MUCL3: variants seen among roughly 807,000 people sequenced by gnomAD.
The protein encoded by MUCL3 is mucin like 3, also known as mucin-like protein 3.
A neutral mutation model predicts 70.2 loss-of-function variants in MUCL3; 42 were observed. The observed-to-expected ratio is 0.60, with a 90% CI of 0.47 to 0.77. MUCL3 has a LOEUF of 0.77. Among genes scored for constraint, MUCL3 ranks in the 30% least tolerant of loss-of-function variants. The probability of loss-of-function intolerance (pLI) is 0.00; values close to 1 mark genes in which losing one functional copy is unlikely to be tolerated. For missense variants in MUCL3, 1,429 were observed against 1,670.0 expected (o/e 0.86, Z 2.52); for synonymous variants, 522 against 647.0 (o/e 0.81, Z 2.93).
At chr6:30,942,406 C>T (rs1008748773) in intron 1 of MUCL3, among the ~76,000 whole-genome samples, 1 of 152,158 alleles carries the variant, frequency 6.6e-6, no homozygotes, top group Non-Finnish European at 1.5e-5. Flanking sequence ...GATTCAGAGA[C>T]ACTATCTACC....
chr6:30,951,428 A>T lies in MUCL3; in HGVS notation c.2964A>T (p.Pro988=). ...CTACAGAAAATGGAGAAAGGACCCCACTGGCCAATGAGAACACCACAACAT... is the reference window on the plus strand; with the variant it reads ...CTACAGAAAATGGAGAAAGGACCCCTCTGGCCAATGAGAACACCACAACAT... ...AEPTENGERT[P]LANENTTTSP... The change falls in exon 2 of 3, where the codon CCA becomes CCT. Residue 988 remains proline, a synonymous_variant. Coordinates refer to ENST00000462446, the MANE Select transcript of MUCL3 (RefSeq NM_080870.4). 6.4e-7 allele frequency: 1 copy of T among 1,550,554 alleles called. No individual in the cohort carries two copies. Among genetic ancestry groups the T allele is most frequent in the Non-Finnish European group, 8.7e-7 (1 of 1,146,748 alleles).
Position 30,950,199 on chromosome 6 carries a change from G to A in MUCL3, c.1735G>A (p.Glu579Lys). 33 of 1,547,394 alleles carry A rather than the reference G, an allele frequency of 2.1e-5. No individual in the cohort carries two copies. The highest frequency in any genetic ancestry group is 2.8e-5 in the Non-Finnish European group (32 of 1,146,642). The change falls in exon 2 of 3, where the codon GAG becomes AAG. Residue 579 changes from glutamate to lysine, a missense_variant. Coordinates refer to ENST00000462446, the MANE Select transcript of MUCL3 (RefSeq NM_080870.4). ...ANEKTTPSLA[E>K]PTENGQRTPF... ...TGAGAAGACCACGCCATCTCTAGCA[G>A]AGCCTACAGAAAATGGACAAAGGAC...
In MUCL3 at chr6:30,949,360, C is replaced by G. The variant is rs867112217; in HGVS notation, c.896C>G (p.Pro299Arg). 6.5e-7 allele frequency: 1 copy of G among 1,529,950 alleles called. No individual in the cohort carries two copies. Among genetic ancestry groups the G allele is most frequent in the African/African-American group, 1.4e-5 (1 of 72,286 alleles). The allele number at this position is 1,529,950 out of a possible 1,614,324, so 94.8% of individuals were successfully genotyped here. A position where few individuals can be genotyped will look rare whatever the true frequency, so the allele number is the denominator to read the frequency against. Residue 299 changes from proline (P) to arginine (R), a missense_variant, in exon 2 of 3, where the codon CCA becomes CGA. Coordinates refer to ENST00000462446, the MANE Select transcript of MUCL3 (RefSeq NM_080870.4). ...AGGACAGCCAATGAGAACAACACAC[C>G]ATCCCCAGCAGAGCCTACAGAAAAT... The part of the protein sequence containing the change: ...GGRTANENNT[P>R]SPAEPTENRE...
Position 30,949,155 on chromosome 6 carries a change from G to T in MUCL3, c.691G>T (p.Ala231Ser), listed in dbSNP as rs1314774475. ...CACATCTTTTCCAGAAAAAATCACA[G>T]CAGCCTCAAAAACAACATACAAGAC... ...KSTSFPEKIT[A>S]ASKTTYKTTG... Residue 231 changes from alanine (A) to serine (S), a missense_variant, in exon 2 of 3, where the codon GCA becomes TCA. Physicochemically the swap from Ala to Ser is moderately conservative, Grantham distance 99. Coordinates refer to ENST00000462446, the MANE Select transcript of MUCL3 (RefSeq NM_080870.4). 3 of 1,551,248 alleles carry T rather than the reference G, an allele frequency of 1.9e-6. No homozygotes were observed. The Admixed American group carries it at 5.9e-5, about 30-fold the overall frequency.
rs1433465867 is a variant in MUCL3, at chr6:30,952,389, A to G, written c.3925A>G (p.Ile1309Val). Residue 1309 changes from isoleucine to valine, a missense_variant, in exon 2 of 3, where the codon ATC (isoleucine) becomes GTC (valine). By Grantham distance (29) the Ile-to-Val change is conservative. Transcript: ENST00000462446. The part of the protein sequence containing the change: ...YLNKDGSQKG[I>V]HAGQMGENDS... ...CAATAAAGATGGCTCACAGAAAGGT[A>G]TCCACGCTGGACAGATGGGAGAGAA... 1 of 1,614,232 alleles carries G rather than the reference A, an allele frequency of 6.2e-7. No individual in the cohort carries two copies. Among genetic ancestry groups the G allele is most frequent in the Non-Finnish European group, 8.5e-7 (1 of 1,180,042 alleles).
rs1344507251 is a variant in MUCL3 at position 30,951,014 on chromosome 6, T to A, written c.2550T>A (p.Asn850Lys). The change falls in exon 2 of 3, where the codon AAT becomes AAA. Residue 850 changes from asparagine (N) to lysine (K), a missense_variant. Transcript: ENST00000462446. ...EPTENRESTA[N>K]EKTTPFPAEP... ...CAGAAAATAGAGAAAGCACAGCCAA[T>A]GAGAAGACCACACCATTCCCAGCAG... 5 of 1,548,580 alleles carry A rather than the reference T, an allele frequency of 3.2e-6. No individual in the cohort carries two copies. In the East Asian group the frequency reaches 1.2e-4, roughly 38 times the overall value.
At chr6:30,945,178 C>T (rs1795732065) in intron 1 of MUCL3, among the ~76,000 whole-genome samples, 1 of 152,198 alleles carries the variant, frequency 6.6e-6, no homozygotes, top group Non-Finnish European at 1.5e-5. Flanking sequence ...TTGGTTTTTA[C>T]TTAACGTGCA....
At chr6:30,942,041 G>A (rs1795600839) in intron 1 of MUCL3, among the ~76,000 whole-genome samples, 2 of 152,124 alleles carry the variant, frequency 1.3e-5, no homozygotes, top group Non-Finnish European at 2.9e-5. Flanking sequence ...CTGCTGCCCA[G>A]CCGTACCAGT....
intron 1 of MUCL3, among the ~76,000 whole-genome samples, chr6:30,947,930 T>G (rs1410517331): frequency 6.6e-6 from 1 of 152,166 alleles, no homozygotes; most frequent in Non-Finnish European, 1.5e-5. Flanking sequence ...CTAATCCCTA[T>G]GGGAAGTTCT....
In MUCL3 at chr6:30,950,077, C is replaced by A; in HGVS notation, c.1613C>A (p.Ala538Glu). 2 of 1,549,974 alleles carry A rather than the reference C, an allele frequency of 1.3e-6. No individual in the cohort carries two copies. The highest frequency in any genetic ancestry group is 1.7e-6 in the Non-Finnish European group (2 of 1,146,528). The change falls in exon 2 of 3, where the codon GCA becomes GAA. Residue 538 changes from alanine to glutamate, a missense_variant. By Grantham distance (107) the Ala-to-Glu change is moderately radical (BLOSUM62 -1). Coordinates refer to ENST00000462446, the MANE Select transcript of MUCL3 (RefSeq NM_080870.4). ...AATGAGAACACCACACCATCCCCAG[C>A]AGAGCCTACAGAAAATAGAGAAAGG... Reference protein sequence around the residue: ...LANENTTPSPAEPTENRERTA... With the variant: ...LANENTTPSPEEPTENRERTA...
rs1760813864 is a variant in MUCL3, at chr6:30,953,401, T to C, written c.*284T>C. ...GAAAAGGTGTTTGATGGACATGTTG[T>C]GGGGGCACCAATGCAGAACACTGCA... is the stretch of plus-strand genomic sequence containing the variant. On this transcript the variant is annotated 3_prime_UTR_variant, in exon 3 of 3. Coordinates refer to ENST00000462446, the MANE Select transcript of MUCL3 (RefSeq NM_080870.4). 1 of 518,778 alleles carries C rather than the reference T, an allele frequency of 1.9e-6. No individual in the cohort carries two copies. The highest frequency in any genetic ancestry group is 2.4e-5 in the South Asian group (1 of 41,228). 32.1% of individuals were successfully genotyped at this position (518,778 alleles called of 1,614,324 possible).
chr6:30,946,602 C>T (rs1271324038), intron 1 of MUCL3, among the ~76,000 whole-genome samples: 1 of 152,210 alleles, frequency 6.6e-6, no homozygotes, highest in East Asian at 1.9e-4. Flanking sequence ...AGATCACACT[C>T]CTCACTTCAC....
chr6:30,952,823 G>A, intron 2 of MUCL3, 148 bp from the exon 3 acceptor site: 1 of 1,112,096 alleles, frequency 9.0e-7, no homozygotes. Flanking sequence ...ACTGGAGATG[G>A]AGCTGGGACT....
Position 30,951,275 on chromosome 6 carries a change from A to C in MUCL3, c.2811A>C (p.Pro937=), listed in dbSNP as rs1760669380. ...CACTGGCCAATGAGATCACCACACCATCCCGAGCAGAGCCTACAGAACATG... is the reference window on the plus strand; with the variant it reads ...CACTGGCCAATGAGATCACCACACCCTCCCGAGCAGAGCCTACAGAACATG... ...RTPLANEITT[P]SRAEPTEHGE... is the part of the protein sequence containing the mutation. Residue 937 remains proline (P), a synonymous_variant, in exon 2 of 3, where the codon CCA becomes CCC. Coordinates refer to ENST00000462446, the MANE Select transcript of MUCL3 (RefSeq NM_080870.4). 6.4e-7 allele frequency: 1 copy of C among 1,551,506 alleles called. No homozygotes were observed. Among genetic ancestry groups the C allele is most frequent in the Non-Finnish European group, 8.7e-7 (1 of 1,146,900 alleles).
At chr6:30,947,838 G>A (rs1760377826) in intron 1 of MUCL3, among the ~76,000 whole-genome samples, 1 of 151,818 alleles carries the variant, frequency 6.6e-6, no homozygotes, top group Admixed American at 6.6e-5. Context: ...CTTTATCACC[G>A]AAATGAAAGC....
rs1582271055 is a variant in MUCL3 at position 30,953,096 on chromosome 6, C to T, written c.4161C>T (p.Gly1387=). ...YLMEQQNLGM[G]QIPSPR ...TGGAGCAGCAGAATCTTGGCATGGG[C>T]CAGATCCCTTCCCCACGGTGATCTT... Residue 1387 remains glycine (G), a synonymous_variant, in exon 3 of 3, where the codon GGC becomes GGT. Transcript: ENST00000462446. 6.2e-7 allele frequency: 1 copy of T among 1,614,184 alleles called. No homozygotes were observed. Among genetic ancestry groups the T allele is most frequent in the East Asian group, 2.2e-5 (1 of 44,876 alleles).
intron 1 of MUCL3, among the ~76,000 whole-genome samples, chr6:30,941,454 CTTCTTTTTT>C (rs1300980433): frequency 1.8e-5 from 2 of 112,374 alleles, no homozygotes; most frequent in Admixed American, 1.1e-4. Flanking sequence ...TCTTCTTCTT[CTTCTTTTTT>C]TTTTTTTTTT....
chr6:30,943,162 G>A (rs778424002), intron 1 of MUCL3, among the ~76,000 whole-genome samples: 10 of 152,174 alleles, frequency 6.6e-5, no homozygotes, highest in Non-Finnish European at 1.3e-4. Flanking sequence ...AGGAGACCCT[G>A]ACGTTTGTCC....
In MUCL3 at chr6:30,952,144, A is replaced by G. The variant is rs1258943866; in HGVS notation, c.3680A>G (p.Lys1227Arg). ...ACTGAGACCATAAAAGCCCCAGTAAAGTCCACAGAAAACCCAGAAAAAACA... is the reference window on the plus strand; with the variant it reads ...ACTGAGACCATAAAAGCCCCAGTAAGGTCCACAGAAAACCCAGAAAAAACA... Reference protein sequence around the residue: ...LTTETIKAPVKSTENPEKTAA... With the variant: ...LTTETIKAPVRSTENPEKTAA... Residue 1227 changes from lysine (K) to arginine (R), a missense_variant, in exon 2 of 3, where the codon AAG becomes AGG. Physicochemically the swap from Lys to Arg is conservative, Grantham distance 26. Transcript: ENST00000462446. 3 of 1,613,804 alleles carry G rather than the reference A, an allele frequency of 1.9e-6. No homozygotes were observed.
Sources: allele counts gnomAD v4.1 joint callset (sites outside exome capture counted in the v4.1 genomes callset), GRCh38; gene constraint gnomAD v4.1.1; transcripts MANE v1.5; gene names NCBI Gene and HGNC (gene_info 2026-07-23, HGNC 2026-07-21).